Variants in CTNNA2 observed in about 807,000 individuals in gnomAD.
CTNNA2 encodes catenin alpha-2.
CTNNA2 carries 42 observed loss-of-function variants against 101.0 expected under a neutral mutation model. That is an observed-to-expected ratio of 0.42 (90% CI 0.32 to 0.54). The LOEUF (loss-of-function observed/expected upper bound fraction) is 0.54. Among genes scored for constraint, CTNNA2 ranks in the 20% least tolerant of loss-of-function variants. The pLI, the probability that CTNNA2 is intolerant of heterozygous loss-of-function variation, is 0.14. For missense variants in CTNNA2, 871 were observed against 1,223.1 expected, an observed-to-expected ratio of 0.71 and a Z score of 4.29; for synonymous variants, 450 against 456.4, an observed-to-expected ratio of 0.99 and a Z score of 0.18.
intron 1 of CTNNA2, among the ~76,000 whole-genome samples, chr2:79,522,438 A>G (rs1477928462): frequency 6.6e-6 from 1 of 152,212 alleles, no homozygotes; most frequent in Admixed American, 6.5e-5. Flanking sequence ...TATAAGATGA[A>G]TACCTGAACA....
intron 7 of CTNNA2, among the ~76,000 whole-genome samples, chr2:80,172,824 G>T (rs1705149761): frequency 6.6e-6 from 1 of 152,110 alleles, no homozygotes; most frequent in South Asian, 2.1e-4. Flanking sequence ...AGTTCACATG[G>T]TGCACTCCCT....
rs1403623344 is a variant in CTNNA2 at position 79,903,040 on chromosome 2, T to C, written c.853-6554T>C. Among the ~76,000 whole-genome samples, 4 of 152,192 alleles carry C rather than the reference T, an allele frequency of 2.6e-5. No individual in the cohort carries two copies. The South Asian group carries it at 6.2e-4, about 24-fold the overall frequency. ...AGTGTAAAAATAGGCATAGACAGTATGTAAATGAATGAGCCTGACTGTGTT... is the reference window on the plus strand; with the variant it reads ...AGTGTAAAAATAGGCATAGACAGTACGTAAATGAATGAGCCTGACTGTGTT... On this transcript the variant is annotated intron_variant, in intron 6 of 18. Transcript: ENST00000402739.
intron 1 of CTNNA2, among the ~76,000 whole-genome samples, chr2:79,516,064 A>G (rs2103846718): frequency 6.6e-6 from 1 of 152,348 alleles, no homozygotes; most frequent in East Asian, 1.9e-4. Context: ...GGCAAGTAAC[A>G]AGATCTTTGG....
intron 3 of CTNNA2, among the ~76,000 whole-genome samples, chr2:79,850,168 C>T (rs920451740): frequency 4.6e-5 from 7 of 151,678 alleles, no homozygotes; most frequent in African/African-American, 1.7e-4. Context: ...TCCTACCCTC[C>T]CTTCCTCCAT....
At chr2:79,524,207 C>T (rs1672272982) in intron 1 of CTNNA2, among the ~76,000 whole-genome samples, 1 of 151,798 alleles carries the variant, frequency 6.6e-6, no homozygotes, top group Non-Finnish European at 1.5e-5. Context: ...ATAATCTTTC[C>T]ATTGGCAGGT....
intron 12 of CTNNA2, among the ~76,000 whole-genome samples, chr2:80,569,937 T>C (rs374372544): frequency 6.6e-6 from 1 of 151,968 alleles, no homozygotes; most frequent in South Asian, 2.1e-4. Context: ...CCAAGGCGCC[T>C]GGCCTAGATT....
intron 3 of CTNNA2, among the ~76,000 whole-genome samples, chr2:79,361,637 T>A (rs1268318279): frequency 6.6e-6 from 1 of 152,112 alleles, no homozygotes; most frequent in Non-Finnish European, 1.5e-5. Flanking sequence ...TAATAGGATA[T>A]ACATATAAAG....
At chr2:80,292,694 C>T (rs1258632289) in intron 7 of CTNNA2, among the ~76,000 whole-genome samples, 1 of 152,158 alleles carries the variant, frequency 6.6e-6, no homozygotes, top group African/African-American at 2.4e-5. Context: ...GAATGCCTCA[C>T]CTTCGCAGGT....
intron 2 of CTNNA2, among the ~76,000 whole-genome samples, chr2:79,739,071 G>GC (rs770757496): frequency 3.0e-5 from 4 of 133,756 alleles, no homozygotes; most frequent in Admixed American, 7.4e-5. Flanking sequence ...GGACTTTGCT[G>GC]TTTTTTTTTT....
chr2:80,268,117 G>C (rs1673159030), intron 7 of CTNNA2, among the ~76,000 whole-genome samples: 1 of 152,240 alleles, frequency 6.6e-6, no homozygotes, highest in Non-Finnish European at 1.5e-5. Flanking sequence ...CAGCCTGAGA[G>C]TTGGAATGGC....
intron 3 of CTNNA2, among the ~76,000 whole-genome samples, chr2:79,315,543 TA>T (rs113939425): frequency 6.6e-5 from 10 of 152,304 alleles, no homozygotes; most frequent in African/African-American, 2.4e-4. Context: ...CTCAGCATAG[TA>T]AAATCCATTC....
At position 79,718,824 on chromosome 2, in the gene CTNNA2, G is replaced by GTTT. The variant is rs759268135; in HGVS notation, c.103-25552_103-25550dup. On this transcript the variant is annotated intron_variant, in intron 2 of 18. Coordinates refer to ENST00000402739, the MANE Select transcript of CTNNA2 (RefSeq NM_001282597.3). ...TATTTAAGGCACCTTTTTCCCACTTGTTTTTTTTTTTTTGTGGTGGTGGTG... is the reference window on the plus strand; with the variant it reads ...TATTTAAGGCACCTTTTTCCCACTTGTTTTTTTTTTTTTTTTGTGGTGGTGGTG... Among the ~76,000 whole-genome samples the GTTT allele has an allele frequency of 2.8e-3, 398 of 140,274 alleles. 1 individual carries two copies. The highest frequency in any genetic ancestry group is 4.7e-3 in the Non-Finnish European group (299 of 63,862). The allele number at this position is 140,274 out of a possible 152,430, so 92.0% of individuals were successfully genotyped here. A position where few individuals can be genotyped will look rare whatever the true frequency, so the allele number is the denominator to read the frequency against.
At chr2:79,677,794 G>C (rs913388368) in intron 2 of CTNNA2, among the ~76,000 whole-genome samples, 10 of 152,136 alleles carry the variant, frequency 6.6e-5, no homozygotes, top group African/African-American at 2.4e-4. Context: ...GTAAGAAGAG[G>C]AGTTAAGAAT....
intron 2 of CTNNA2, among the ~76,000 whole-genome samples, chr2:79,233,526 C>T (rs1032724210): frequency 9.9e-5 from 15 of 152,096 alleles, no homozygotes; most frequent in African/African-American, 1.4e-4. Context: ...ATATATATTC[C>T]ATACTTGTTG....
chr2:79,783,321 A>G lies in CTNNA2; in HGVS notation c.298+38739A>G, dbSNP rs544780306. 9.9e-5 allele frequency among the ~76,000 whole-genome samples: 15 copies of G among 152,280 alleles called. No homozygotes were observed. The East Asian group carries it at 2.5e-3, about 26-fold the overall frequency. On this transcript the variant is annotated intron_variant, in intron 3 of 18. Transcript: ENST00000402739. ...ATGGCAATAAATAATGAGACACACAATCCCAGGCCAGAAGCCTTCTGCTAG... is the reference window on the plus strand; with the variant it reads ...ATGGCAATAAATAATGAGACACACAGTCCCAGGCCAGAAGCCTTCTGCTAG...
intron 2 of CTNNA2, among the ~76,000 whole-genome samples, chr2:79,713,787 G>A (rs1399904668): frequency 6.6e-6 from 1 of 152,154 alleles, no homozygotes; most frequent in Non-Finnish European, 1.5e-5. Flanking sequence ...TGGCTCAGTT[G>A]AAGAAAATTA....
chr2:79,326,124 TTATTGAGCATG>T (rs1676740088), intron 3 of CTNNA2, among the ~76,000 whole-genome samples: 1 of 152,200 alleles, frequency 6.6e-6, no homozygotes, highest in African/African-American at 2.4e-5. Flanking sequence ...CATTCATCAC[TTATTGAGCATG>T]TATTGAGCAT....
intron 7 of CTNNA2, among the ~76,000 whole-genome samples, chr2:80,116,376 T>TAA (rs563446744): frequency 0.031 from 2,042 of 65,314 alleles, 42 homozygotes; most frequent in African/African-American, 0.087. Flanking sequence ...CCTAAAAAGC[T>TAA]AAAAAAAAAA....
At position 80,006,359 on chromosome 2, in the gene CTNNA2, TAA is replaced by T. The variant is rs5832428; in HGVS notation, c.1056+96576_1056+96577del. Among the ~76,000 whole-genome samples, 396 of 139,024 alleles carry T rather than the reference TAA, an allele frequency of 2.8e-3. 2 individuals carry two copies. The highest frequency in any genetic ancestry group is 9.3e-3 in the African/African-American group (348 of 37,424). 91.2% of individuals were successfully genotyped at this position (139,024 alleles called of 152,430 possible). A position where few individuals can be genotyped will look rare whatever the true frequency, so the allele number is the denominator to read the frequency against. Reference sequence around the variant, plus strand: ...CATAACATCCCTATGAGAAGTGCAGTAAAAAAAAAAAAAAAGAAAAAACAAAA... The same window carrying T: ...CATAACATCCCTATGAGAAGTGCAGTAAAAAAAAAAAAAGAAAAAACAAAA... On this transcript the variant is annotated intron_variant, in intron 7 of 18. Coordinates refer to ENST00000402739, the MANE Select transcript of CTNNA2 (RefSeq NM_001282597.3).
Sources: allele counts gnomAD v4.1 joint callset (sites outside exome capture counted in the v4.1 genomes callset), GRCh38; gene constraint gnomAD v4.1.1; transcripts MANE v1.5; gene names NCBI Gene and HGNC (gene_info 2026-07-23, HGNC 2026-07-21).